ORC3: variants seen among roughly 807,000 people sequenced by gnomAD.
ORC3 encodes the protein homolog of latheo, Drosophila.
In ORC3, 78 loss-of-function variants were observed where a neutral mutation model predicts 100.7. The observed-to-expected ratio is 0.77, with a 90% CI of 0.65 to 0.94. ORC3 has a LOEUF of 0.94. ORC3 is among the 40% of genes least tolerant of loss of function. ORC3 has a pLI of 0.00. For synonymous variants in ORC3, 295 were observed against 289.3 expected (o/e 1.02, Z -0.20); for missense variants, 789 against 823.9 (o/e 0.96, Z 0.52).
chr6:87,628,365 ATG>A (rs1780077018), intron 11 of ORC3, among the ~76,000 whole-genome samples: 1 of 152,212 alleles, frequency 6.6e-6, no homozygotes, highest in South Asian at 2.1e-4. Context: ...TGACTAAACA[ATG>A]TACATTTGTA....
intron 4 of ORC3, among the ~76,000 whole-genome samples, chr6:87,604,497 T>A (rs1778191326): frequency 6.6e-6 from 1 of 152,212 alleles, no homozygotes; most frequent in Admixed American, 6.5e-5. Flanking sequence ...GAGGAAAAAC[T>A]GAGGCCCAGT....
At chr6:87,635,758 C>T (rs1250108620) in intron 12 of ORC3, among the ~76,000 whole-genome samples, 1 of 151,842 alleles carries the variant, frequency 6.6e-6, no homozygotes, top group South Asian at 2.1e-4. Flanking sequence ...GATCACTGCA[C>T]TCCAGCCTGG....
At chr6:87,621,014 A>G (rs759841606) in intron 9 of ORC3, among the ~76,000 whole-genome samples, 1 of 152,156 alleles carries the variant, frequency 6.6e-6, no homozygotes, top group African/African-American at 2.4e-5. Context: ...TGGGGTATCT[A>G]TTAGACCCTT....
At chr6:87,597,014 C>T (rs1278743899) in intron 2 of ORC3, among the ~76,000 whole-genome samples, 1 of 152,044 alleles carries the variant, frequency 6.6e-6, no homozygotes, top group Non-Finnish European at 1.5e-5. Context: ...TATTCAATTC[C>T]AACTTGTGGG....
At position 87,624,650 on chromosome 6, in the gene ORC3, C is replaced by A. The variant is rs1047245102; in HGVS notation, c.1185+2637C>A. ...TATTTGAACTGCAGTTACTCATTAG[C>A]TATCTATATTTAAGAAAATCACTTA... On this transcript the variant is annotated intron_variant, in intron 11 of 19. Transcript: ENST00000392844. Among the ~76,000 whole-genome samples the A allele has an allele frequency of 2.6e-5, 4 of 151,918 alleles. No homozygotes were observed. The South Asian group carries it at 8.3e-4, about 31-fold the overall frequency.
intron 4 of ORC3, among the ~76,000 whole-genome samples, chr6:87,605,495 A>G (rs1457566185): frequency 6.6e-6 from 1 of 152,150 alleles, no homozygotes; most frequent in Non-Finnish European, 1.5e-5. Flanking sequence ...TATTAAAACT[A>G]CAAAAATTAG....
In ORC3 at chr6:87,657,923, C is replaced by A. The variant is rs774634249; in HGVS notation, c.1596C>A (p.Ser532=). 5.9e-6 allele frequency: 9 copies of A among 1,514,106 alleles called. No individual in the cohort carries two copies. The highest frequency in any genetic ancestry group is 7.3e-6 in the Non-Finnish European group (8 of 1,089,286). The allele number at this position is 1,514,106 out of a possible 1,614,324, so 93.8% of individuals were successfully genotyped here. Residue 532 remains serine (S), a splice_region_variant and synonymous_variant, in exon 16 of 20, where the codon TCC becomes TCA. Coordinates refer to ENST00000392844, the MANE Select transcript of ORC3 (RefSeq NM_012381.4). ...AAGCTATGTTCTTTTATCTATAGTC[C>A]TTATTGGAAATGAAGGAGTTAAGAA... ...QKTDLYHLQK[S]LLEMKELRRS...
chr6:87,676,624 CACAA>C, the ORC3 span, among the ~76,000 whole-genome samples: 3 of 110,976 alleles, frequency 2.7e-5, no homozygotes, highest in Admixed American at 2.0e-4. Context: ...CACACACACA[CACAA>C]ACATAGCTGG....
chr6:87,591,325 A>G lies in ORC3; in HGVS notation c.24+1133A>G, dbSNP rs77670693. Among the ~76,000 whole-genome samples the G allele has an allele frequency of 3.7e-3, 563 of 152,328 alleles. 5 individuals carry two copies. The highest frequency in any genetic ancestry group is 0.013 in the African/African-American group (524 of 41,570). On this transcript the variant is annotated intron_variant, in intron 1 of 19. Transcript: ENST00000392844. ...AAGAAGCTACATTCTCCCTATGTTAAAACAATGGATTGATGAAGAAGGCTA... is the reference window on the plus strand; with the variant it reads ...AAGAAGCTACATTCTCCCTATGTTAGAACAATGGATTGATGAAGAAGGCTA...
chr6:87,643,832 G>A (rs1768480291), intron 13 of ORC3, among the ~76,000 whole-genome samples: 1 of 151,938 alleles, frequency 6.6e-6, no homozygotes, highest in Non-Finnish European at 1.5e-5. Context: ...TATATGAAAT[G>A]GTATATAGTG....
At chr6:87,652,463 C>A (rs1033490889) in intron 13 of ORC3, among the ~76,000 whole-genome samples, 13 of 152,160 alleles carry the variant, frequency 8.5e-5, no homozygotes, top group Admixed American at 6.5e-4. Context: ...TCTGCCTGTG[C>A]TATAAATAAC....
In ORC3 at chr6:87,609,197, A is replaced by C. The variant is rs1464138797; in HGVS notation, c.681A>C (p.Thr227=). The C allele has an allele frequency of 6.2e-7, 1 of 1,609,720 alleles. No individual in the cohort carries two copies. Among genetic ancestry groups the C allele is most frequent in the East Asian group, 2.2e-5 (1 of 44,606 alleles). ...VILKDMESFA[T]KVLQDFIIIS... ...TGAAGGATATGGAAAGCTTTGCCAC[A>C]AAAGTACTACAAGACTTCATAATTA... The change falls in exon 7 of 20, where the codon ACA becomes ACC. Residue 227 remains threonine, a synonymous_variant. Transcript: ENST00000392844.
In ORC3 at chr6:87,621,932, G is replaced by C. The variant is rs146497776; in HGVS notation, c.1122-18G>C. The C allele has an allele frequency of 2.7e-5, 42 of 1,569,608 alleles. No individual in the cohort carries two copies. The East Asian group carries it at 9.5e-4, about 36-fold the overall frequency. On this transcript the variant is annotated intron_variant, in intron 10 of 19. Transcript: ENST00000392844. ...GTTTAATTTTCTCTTTTTATGTATGGAATGGTGAAAATTCTAGGTACGTGG... is the reference window on the plus strand; with the variant it reads ...GTTTAATTTTCTCTTTTTATGTATGCAATGGTGAAAATTCTAGGTACGTGG...
Position 87,636,460 on chromosome 6 carries a change from G to A in ORC3, c.1356G>A (p.Glu452=). ...CLEKNIWDSE[E]YASVLQLLRM... is the part of the protein sequence containing the mutation. ...AAAAGAACATATGGGATTCAGAGGA[G>A]TATGCATCAGTCTTGCAGCTGCTGA... The change falls in exon 13 of 20, where the codon GAG becomes GAA. Residue 452 remains glutamate, a synonymous_variant. Coordinates refer to ENST00000392844, the MANE Select transcript of ORC3 (RefSeq NM_012381.4). 1.2e-6 allele frequency: 2 copies of A among 1,611,378 alleles called. No individual in the cohort carries two copies. The highest frequency in any genetic ancestry group is 1.1e-5 in the South Asian group (1 of 91,016).
At chr6:87,665,865 A>G in intron 19 of ORC3, 32 bp downstream of exon 19, 2 of 1,260,984 alleles carry the variant, frequency 1.6e-6, no homozygotes, top group South Asian at 1.2e-5. Context: ...TACAATGTCC[A>G]ACTACACATA....
At chr6:87,648,200 A>AAAAACAAAAC (rs373640665) in intron 13 of ORC3, among the ~76,000 whole-genome samples, 113 of 152,216 alleles carry the variant, frequency 7.4e-4, no homozygotes, top group African/African-American at 2.7e-3. Context: ...ACTCTGCCTC[A>AAAAACAAAAC]AAAACAAAAC....
chr6:87,654,009 A>C (rs1769477685), intron 14 of ORC3, among the ~76,000 whole-genome samples: 1 of 152,138 alleles, frequency 6.6e-6, no homozygotes, highest in African/African-American at 2.4e-5. Context: ...ACAACAATAA[A>C]ATATATTGGT....
chr6:87,611,417 A>G (rs943352638), intron 7 of ORC3, among the ~76,000 whole-genome samples: 2 of 152,158 alleles, frequency 1.3e-5, no homozygotes, highest in Non-Finnish European at 2.9e-5. Flanking sequence ...AGTGAGGAAG[A>G]CTATAGAAAG....
chr6:87,601,792 T>C lies in ORC3; in HGVS notation c.88T>C (p.Phe30Leu). 6.3e-7 allele frequency: 1 copy of C among 1,594,698 alleles called. No homozygotes were observed. The highest frequency in any genetic ancestry group is 1.3e-5 in the African/African-American group (1 of 74,646). The stretch of plus-strand genomic sequence containing the variant: ...TTTCTTTCTGTTTTTAGAGGACTAT[T>C]TTAACAAAGGGAAAAATGAGCCTGA... Reference protein sequence around the residue: ...RKISLPIEDYFNKGKNEPEDS... With the variant: ...RKISLPIEDYLNKGKNEPEDS... Residue 30 changes from phenylalanine to leucine, a missense_variant, in exon 3 of 20, where the codon TTT becomes CTT. Around this residue, in one of 3 missense-constraint regions of ORC3, gnomAD observed 399 missense variants for 382.0 expected, o/e 1.04. Coordinates refer to ENST00000392844, the MANE Select transcript of ORC3 (RefSeq NM_012381.4).
Sources: gnomAD v4.1 joint callset for allele counts (sites outside exome capture counted in the v4.1 genomes callset) on GRCh38, gnomAD v4.1.1 for gene constraint, gnomAD v4.1.1 regional missense constraint, MANE v1.5 for transcripts, NCBI Gene and HGNC (gene_info 2026-07-23, HGNC 2026-07-21) for gene names.